The following TAF2 variants were observed in gnomAD, a reference collection of about 807,000 sequenced individuals.
TAF2 encodes TATA-box binding protein associated factor 2.
Under a neutral mutation model 138.5 loss-of-function variants are expected in TAF2, and 61 were observed. The observed-to-expected ratio is 0.44, with a 90% CI of 0.36 to 0.54. The LOEUF (loss-of-function observed/expected upper bound fraction) is 0.54. TAF2 is among the 20% of genes least tolerant of loss of function. TAF2 has a pLI of 0.00. For missense variants in TAF2, 1,090 were observed against 1,427.9 expected, an observed-to-expected ratio of 0.76 and a Z score of 3.81; for synonymous variants, 475 against 469.9, an observed-to-expected ratio of 1.01 and a Z score of -0.14.
chr8:119,802,665 C>G (rs549707971), intron 5 of TAF2, among the ~76,000 whole-genome samples: 2 of 152,256 alleles, frequency 1.3e-5, no homozygotes, highest in African/African-American at 4.8e-5. Context: ...GTAATCCCAG[C>G]ACTATGGGAG....
rs1586305372 is a variant in TAF2 at position 119,746,825 on chromosome 8, A to G, written c.2988T>C (p.Leu996=). Residue 996 remains leucine (L), a synonymous_variant, in exon 23 of 26, where the codon CTT becomes CTC. Coordinates refer to ENST00000378164, the MANE Select transcript of TAF2 (RefSeq NM_003184.4). ...AGACAGCTTTTTTCTCCTTTAGATT[A>G]AGAACCAACCCAAGCTCTGGCAAGG... is the stretch of plus-strand genomic sequence containing the variant. ...CLPLPELGLV[L]NLKEKKAVLN... 6.2e-7 allele frequency: 1 copy of G among 1,614,178 alleles called. No individual in the cohort carries two copies.
chr8:119,827,596 C>T (rs778488315), intron 2 of TAF2, among the ~76,000 whole-genome samples: 1 of 152,174 alleles, frequency 6.6e-6, no homozygotes, highest in Non-Finnish European at 1.5e-5. Context: ...GTTACAACTA[C>T]AATTGAGAAA....
intron 18 of TAF2, among the ~76,000 whole-genome samples, chr8:119,770,811 C>T (rs577498093): frequency 6.6e-6 from 1 of 152,312 alleles, no homozygotes; most frequent in South Asian, 2.1e-4. Context: ...CAGTGGCTCA[C>T]GCCTGTAATC....
At chr8:119,800,992 T>C (rs1824215364) in intron 6 of TAF2, among the ~76,000 whole-genome samples, 1 of 152,192 alleles carries the variant, frequency 6.6e-6, no homozygotes. Context: ...AATTGATAAA[T>C]GAATTGTGAT....
chr8:119,772,572 A>C (rs914530609), intron 18 of TAF2, among the ~76,000 whole-genome samples: 1 of 152,054 alleles, frequency 6.6e-6, no homozygotes, highest in Non-Finnish European at 1.5e-5. Flanking sequence ...CAATGTAAAA[A>C]CCCGCAGACC....
intron 19 of TAF2, among the ~76,000 whole-genome samples, chr8:119,762,145 G>A (rs919120940): frequency 6.6e-6 from 1 of 152,136 alleles, no homozygotes; most frequent in East Asian, 1.9e-4. Flanking sequence ...TGAAGAATTT[G>A]TGATGACATG....
chr8:119,819,562 ATTTC>A, intron 2 of TAF2, 56 bp from the exon 3 acceptor site: 1 of 1,435,354 alleles, frequency 7.0e-7, no homozygotes, highest in Non-Finnish European at 9.7e-7. Flanking sequence ...TTCAGAATAT[ATTTC>A]TTTTATTTTT....
At chr8:119,732,494 C>T (rs117513883) in intron 25 of TAF2, among the ~76,000 whole-genome samples, 65 of 152,208 alleles carry the variant, frequency 4.3e-4, no homozygotes, top group Middle Eastern at 3.4e-3. Flanking sequence ...ATATTACACA[C>T]GGTGTTATAG....
chr8:119,743,620 T>C (rs1437318769), intron 24 of TAF2, among the ~76,000 whole-genome samples: 2 of 152,128 alleles, frequency 1.3e-5, no homozygotes, highest in East Asian at 3.8e-4. Flanking sequence ...TGGCAATACA[T>C]ATCAAGAGCT....
At chr8:119,760,910 T>A (rs553292932) in intron 19 of TAF2, among the ~76,000 whole-genome samples, 172 bp from the exon 20 acceptor site, 9 of 152,216 alleles carry the variant, frequency 5.9e-5, no homozygotes, top group Non-Finnish European at 1.3e-4. Context: ...TCTTAGTCAA[T>A]GATGAACTGC....
rs1414618373 is a variant in TAF2 at position 119,731,689 on chromosome 8, T to TG, written c.*234dup. 1.8e-6 allele frequency: 1 copy of TG among 543,190 alleles called. No individual in the cohort carries two copies. The highest frequency in any genetic ancestry group is 1.9e-5 in the African/African-American group (1 of 52,686). 33.6% of individuals were successfully genotyped at this position (543,190 alleles called of 1,614,324 possible). A position where few individuals can be genotyped will look rare whatever the true frequency, so the allele number is the denominator to read the frequency against. On this transcript the variant is annotated 3_prime_UTR_variant, in exon 26 of 26. Coordinates refer to ENST00000378164, the MANE Select transcript of TAF2 (RefSeq NM_003184.4). Reference sequence around the variant, plus strand: ...GGGAGTTTGCTCTGTGTGTGTGTTTTGGGGAGGAAACAGCGGATGAAATAG... The same window carrying TG: ...GGGAGTTTGCTCTGTGTGTGTGTTTTGGGGGAGGAAACAGCGGATGAAATAG...
intron 18 of TAF2, among the ~76,000 whole-genome samples, chr8:119,771,487 C>T (rs756229185): frequency 9.9e-5 from 15 of 152,146 alleles, no homozygotes; most frequent in Middle Eastern, 3.4e-3. Flanking sequence ...CTGCCCTCCT[C>T]GACCTCCGAA....
intron 8 of TAF2, 56 bp from the exon 9 acceptor site, chr8:119,795,687 T>C: frequency 2.8e-6 from 4 of 1,432,576 alleles, no homozygotes; most frequent in Non-Finnish European, 3.9e-6. Flanking sequence ...CCTCAGATAA[T>C]GTCAAAGAGG....
chr8:119,805,316 T>TTTA (rs1398443587), intron 4 of TAF2, among the ~76,000 whole-genome samples: 1 of 152,214 alleles, frequency 6.6e-6, no homozygotes, highest in Non-Finnish European at 1.5e-5. Context: ...AAAGAAGGAA[T>TTTA]TTAACCAGAT....
At chr8:119,774,425 G>A (rs1030860914) in intron 18 of TAF2, among the ~76,000 whole-genome samples, 3 of 151,570 alleles carry the variant, frequency 2.0e-5, no homozygotes. Flanking sequence ...ACACAGCCCA[G>A]AACAGCTATG....
intron 21 of TAF2, among the ~76,000 whole-genome samples, chr8:119,757,060 T>C (rs765712453): frequency 1.3e-5 from 2 of 152,160 alleles, no homozygotes; most frequent in Non-Finnish European, 2.9e-5. Flanking sequence ...AATTTTTACA[T>C]TTAACTGACA....
chr8:119,769,821 G>T (rs575455893), intron 18 of TAF2, among the ~76,000 whole-genome samples: 1 of 150,970 alleles, frequency 6.6e-6, no homozygotes, highest in East Asian at 2.0e-4. Context: ...GAAGTGGCGC[G>T]ATCTCGGCTC....
chr8:119,780,451 C>T (rs2131130798), intron 17 of TAF2, among the ~76,000 whole-genome samples: 1 of 152,322 alleles, frequency 6.6e-6, no homozygotes, highest in South Asian at 2.1e-4. Context: ...CTGTCTCTGA[C>T]TCAGATGTGC....
chr8:119,770,605 T>C (rs188934830), intron 18 of TAF2, among the ~76,000 whole-genome samples: 13 of 152,150 alleles, frequency 8.5e-5, no homozygotes, highest in East Asian at 7.7e-4. Context: ...GTTCTAAATA[T>C]AGAAATGAAA....
Sources: allele counts gnomAD v4.1 joint callset (sites outside exome capture counted in the v4.1 genomes callset), GRCh38; gene constraint gnomAD v4.1.1; transcripts MANE v1.5; gene names NCBI Gene and HGNC (gene_info 2026-07-23, HGNC 2026-07-21).